NAV3: variants seen among roughly 807,000 people sequenced by gnomAD.
NAV3 encodes neuron navigator 3.
NAV3 carries 87 observed loss-of-function variants against 244.7 expected under a neutral mutation model. The observed-to-expected ratio is 0.36, with a 90% CI of 0.30 to 0.42. The LOEUF (loss-of-function observed/expected upper bound fraction) is 0.42. Ranked by LOEUF, NAV3 falls within the 20% of genes least tolerant of loss-of-function variation. The probability of loss-of-function intolerance (pLI) is 1.00; values close to 1 mark genes in which losing one functional copy is unlikely to be tolerated. For missense variants in NAV3, 2,663 were observed against 2,893.3 expected, an observed-to-expected ratio of 0.92 and a Z score of 1.83; for synonymous variants, 1,126 against 1,042.2, an observed-to-expected ratio of 1.08 and a Z score of -1.55.
intron 1 of NAV3, among the ~76,000 whole-genome samples, chr12:77,894,987 C>T (rs2136812565): frequency 6.6e-6 from 1 of 152,160 alleles, no homozygotes; most frequent in East Asian, 1.9e-4. Context: ...TCCGGTATCC[C>T]TATTTTCTTG....
chr12:78,010,311 A>G (rs1400519480), intron 8 of NAV3, among the ~76,000 whole-genome samples: 1 of 152,180 alleles, frequency 6.6e-6, no homozygotes, highest in Non-Finnish European at 1.5e-5. Context: ...AATCCCTCCT[A>G]TAAAATCCCT....
intron 2 of NAV3, among the ~76,000 whole-genome samples, chr12:77,624,615 G>A (rs1871534308): frequency 6.6e-6 from 1 of 152,068 alleles, no homozygotes; most frequent in South Asian, 2.1e-4. Context: ...GGCTGTTGAA[G>A]GTGGAGTTTA....
At chr12:77,810,691 A>G (rs942954723) in intron 2 of NAV3, among the ~76,000 whole-genome samples, 4 of 152,198 alleles carry the variant, frequency 2.6e-5, no homozygotes, top group African/African-American at 2.4e-5. Flanking sequence ...TAGAACTAAG[A>G]TATTTTAGTT....
At chr12:77,602,306 ACTGT>A (rs1870470703) in intron 2 of NAV3, among the ~76,000 whole-genome samples, 1 of 152,028 alleles carries the variant, frequency 6.6e-6, no homozygotes, top group Non-Finnish European at 1.5e-5. Context: ...TCAGCTACAG[ACTGT>A]CTGATGACCA....
intron 22 of NAV3, among the ~76,000 whole-genome samples, chr12:78,154,313 G>GTATATATTACTATATAATATATAA (rs1555183047): frequency 0.33 from 42,990 of 129,922 alleles, 7,605 homozygotes; most frequent in East Asian, 0.47. Flanking sequence ...ATAATATATA[G>GTATATATTACTATATAATATATAA]TATATATATA....
intron 12 of NAV3, among the ~76,000 whole-genome samples, chr12:78,109,774 T>G (rs750402460): frequency 6.6e-6 from 1 of 151,688 alleles, no homozygotes; most frequent in African/African-American, 2.4e-5. Context: ...ACTCTAAAAC[T>G]CAGCATAGAA....
At chr12:77,741,135 GA>G (rs71088333) in intron 2 of NAV3, among the ~76,000 whole-genome samples, 3 of 60,742 alleles carry the variant, frequency 4.9e-5, no homozygotes, top group Admixed American at 1.9e-4. Context: ...AATAGTCAAA[GA>G]AAAAAAAAAG....
chr12:78,101,627 T>A (rs918721539), intron 12 of NAV3, among the ~76,000 whole-genome samples: 3 of 152,156 alleles, frequency 2.0e-5, no homozygotes, highest in East Asian at 3.9e-4. Context: ...CAGGAAGTGC[T>A]GAATAAATCT....
intron 12 of NAV3, among the ~76,000 whole-genome samples, chr12:78,064,044 A>T (rs957751547): frequency 1.3e-5 from 2 of 152,178 alleles, no homozygotes; most frequent in Non-Finnish European, 2.9e-5. Flanking sequence ...TTGAAGAGGG[A>T]TGAGATAAAG....
At chr12:77,968,960 T>C (rs1054455730) in intron 5 of NAV3, among the ~76,000 whole-genome samples, 1 of 152,162 alleles carries the variant, frequency 6.6e-6, no homozygotes, top group African/African-American at 2.4e-5. Context: ...ATGTCTTTGG[T>C]GTAAGTAATG....
At position 78,190,198 on chromosome 12, in the gene NAV3, T is replaced by A. The variant is rs1390738550; in HGVS notation, c.6270T>A (p.Asn2090Lys). 1.2e-6 allele frequency: 2 copies of A among 1,612,190 alleles called. No individual in the cohort carries two copies. The highest frequency in any genetic ancestry group is 1.1e-5 in the South Asian group (1 of 91,008). The change falls in exon 34 of 40, where the codon AAT becomes AAA. Residue 2090 changes from asparagine to lysine, a missense_variant. By Grantham distance (94) the Asn-to-Lys change is moderately conservative. This residue lies in a region of NAV3 where 543 missense variants were observed against 672.4 expected (regional missense o/e 0.81). Coordinates refer to ENST00000397909, the MANE Select transcript of NAV3 (RefSeq NM_001024383.2). Reference sequence around the variant, plus strand: ...CAGAGGATGCAATTGCCACTTTTAATGTGGACCACAAGTCAAGTAAGGTAT... The same window carrying A: ...CAGAGGATGCAATTGCCACTTTTAAAGTGGACCACAAGTCAAGTAAGGTAT... Reference protein sequence around the residue: ...KKTEDAIATFNVDHKSSKELQ... With the variant: ...KKTEDAIATFKVDHKSSKELQ...
intron 5 of NAV3, among the ~76,000 whole-genome samples, chr12:77,969,814 A>G (rs1354158006): frequency 7.0e-6 from 1 of 143,798 alleles, no homozygotes; most frequent in Non-Finnish European, 1.5e-5. Flanking sequence ...TGGGTGACAG[A>G]GCGAGACTCT....
At chr12:77,635,803 A>C (rs760459570) in intron 2 of NAV3, among the ~76,000 whole-genome samples, 5 of 152,238 alleles carry the variant, frequency 3.3e-5, no homozygotes, top group African/African-American at 4.8e-5. Flanking sequence ...AGGTAGGAAC[A>C]ATTAGAATTC....
intron 3 of NAV3, among the ~76,000 whole-genome samples, chr12:77,962,024 G>T (rs1892073828): frequency 6.6e-6 from 1 of 151,954 alleles, no homozygotes; most frequent in East Asian, 1.9e-4. Context: ...TGTCGTACAT[G>T]ACTTGTTAGC....
chr12:77,707,228 G>C, intron 2 of NAV3, among the ~76,000 whole-genome samples: 1 of 97,506 alleles, frequency 1.0e-5, no homozygotes, highest in South Asian at 3.2e-4. Context: ...CCCACAACAA[G>C]CCCTGGTGTG....
At chr12:78,046,913 T>C (rs1881891941) in intron 9 of NAV3, among the ~76,000 whole-genome samples, 1 of 152,164 alleles carries the variant, frequency 6.6e-6, no homozygotes, top group Non-Finnish European at 1.5e-5. Flanking sequence ...ATCTGGGTGC[T>C]TCTGTTTTGG....
intron 34 of NAV3, among the ~76,000 whole-genome samples, chr12:78,193,761 A>T (rs528227614): frequency 6.6e-6 from 1 of 152,230 alleles, no homozygotes; most frequent in African/African-American, 2.4e-5. Context: ...CTTTATACCT[A>T]CCATCAGATT....
intron 1 of NAV3, among the ~76,000 whole-genome samples, chr12:77,877,689 C>A (rs1018576686): frequency 6.6e-6 from 1 of 151,988 alleles, no homozygotes; most frequent in African/African-American, 2.4e-5. Context: ...AAATTCTCCA[C>A]CTGAAGGAGG....
intron 2 of NAV3, among the ~76,000 whole-genome samples, chr12:77,768,411 C>G (rs138044614): frequency 0.014 from 2,111 of 152,286 alleles, 58 homozygotes; most frequent in African/African-American, 0.048. Context: ...CCAGAGGATG[C>G]CTTCAGGCCT....
Sources: allele counts gnomAD v4.1 joint callset (sites outside exome capture counted in the v4.1 genomes callset), GRCh38; gene constraint gnomAD v4.1.1; regional missense constraint gnomAD v4.1.1; transcripts MANE v1.5; gene names NCBI Gene and HGNC (gene_info 2026-07-23, HGNC 2026-07-21).